Variants in BMP4 observed in about 807,000 individuals in gnomAD.
BMP4 encodes the protein bone morphogenetic protein 2B.
Under a neutral mutation model 29.6 loss-of-function variants are expected in BMP4, and 3 were observed. The ratio of observed to expected loss-of-function variants is 0.10; its 90% CI spans 0.05 to 0.26. The LOEUF (loss-of-function observed/expected upper bound fraction) is 0.26, where lower values mean the gene tolerates loss of function less well. Ranked by LOEUF, BMP4 falls within the 10% of genes least tolerant of loss-of-function variation. BMP4 has a pLI of 1.00. For synonymous variants in BMP4, 197 were observed against 213.2 expected, an observed-to-expected ratio of 0.92 and a Z score of 0.66; for missense variants, 455 against 550.2, an observed-to-expected ratio of 0.83 and a Z score of 1.73.
At position 53,951,934 on chromosome 14, in the gene BMP4, C is replaced by T. The variant is rs1895443606; in HGVS notation, c.289G>A (p.Glu97Lys). Residue 97 changes from glutamate (E) to lysine (K), a missense_variant, in exon 3 of 4, where the codon GAG becomes AAG. Around this residue, in one of 4 missense-constraint regions of BMP4, gnomAD observed 249 missense variants for 284.6 expected, o/e 0.87. Coordinates refer to ENST00000245451, the MANE Select transcript of BMP4 (RefSeq NM_001202.6). ...TCAAGACCAGTGCTGTGGATCTGCT[C>T]TTCCTCCTCCTCCCCAGACTGAAGC... Reference protein sequence around the residue: ...YRLQSGEEEEEQIHSTGLEYP... With the variant: ...YRLQSGEEEEKQIHSTGLEYP... 6.2e-7 allele frequency: 1 copy of T among 1,607,128 alleles called. No individual in the cohort carries two copies. Among genetic ancestry groups the T allele is most frequent in the Non-Finnish European group, 8.5e-7 (1 of 1,179,990 alleles).
rs538802825 is a variant in BMP4, at chr14:53,950,405, G to A, written c.854C>T (p.Thr285Ile). The A allele has an allele frequency of 6.2e-7, 1 of 1,613,798 alleles. No individual in the cohort carries two copies. Among genetic ancestry groups the A allele is most frequent in the Non-Finnish European group, 8.5e-7 (1 of 1,179,886 alleles). ...GCTACGCTTGGCCCTCCGGCGTCGG[G>A]TCAAGGCATGGCCCCGGCCATCATG... ...FGHDGRGHAL[T>I]RRRRAKRSPK... The change falls in exon 4 of 4, where the codon ACC becomes ATC. Residue 285 changes from threonine to isoleucine, a missense_variant. By Grantham distance (89) the Thr-to-Ile change is moderately conservative. Coordinates refer to ENST00000245451, the MANE Select transcript of BMP4 (RefSeq NM_001202.6). This position sits in a 1 kb window ranked among gnomAD's most constrained non-coding sequence, Gnocchi z 5.4.
chr14:53,950,127 G>T lies in BMP4; in HGVS notation c.1132C>A (p.Leu378Met), dbSNP rs1166736941. Residue 378 changes from leucine to methionine, a missense_variant, in exon 4 of 4, where the codon CTG (leucine) becomes ATG (methionine). Transcript: ENST00000245451. The surrounding 1 kb of genome is among the most constrained non-coding windows in gnomAD (Gnocchi z 5.4). ...IPKACCVPTE[L>M]SAISMLYLDE... ...AGGTACAGCATGGAGATGGCACTCAGTTCAGTGGGCACACAACAGGCTTTG... is the reference window on the plus strand; with the variant it reads ...AGGTACAGCATGGAGATGGCACTCATTTCAGTGGGCACACAACAGGCTTTG... 6.2e-7 allele frequency: 1 copy of T among 1,614,174 alleles called. No homozygotes were observed. The highest frequency in any genetic ancestry group is 8.5e-7 in the Non-Finnish European group (1 of 1,180,038).
At chr14:53,953,953 A>C (rs1895596726) in intron 1 of BMP4, among the ~76,000 whole-genome samples, 1 of 151,142 alleles carries the variant, frequency 6.6e-6, no homozygotes, top group Admixed American at 6.6e-5. Flanking sequence ...ACACAAGCAA[A>C]CACGAGCTCC....
chr14:53,949,950 G>A lies in BMP4; in HGVS notation c.*82C>T. The stretch of plus-strand genomic sequence containing the variant: ...AGCAGTCTGTGTAGTGTGTGGGTGA[G>A]TGGATGGGAACGTGTGTGTGTGGTG... On this transcript the variant is annotated 3_prime_UTR_variant, in exon 4 of 4. Transcript: ENST00000245451. 2 of 1,471,604 alleles carry A rather than the reference G, an allele frequency of 1.4e-6. No individual in the cohort carries two copies. Among genetic ancestry groups the A allele is most frequent in the Non-Finnish European group, 9.4e-7 (1 of 1,067,672 alleles). The allele number at this position is 1,471,604 out of a possible 1,614,324, so 91.2% of individuals were successfully genotyped here.
chr14:53,952,624 G>C (rs1417674677), intron 2 of BMP4, among the ~76,000 whole-genome samples: 1 of 152,056 alleles, frequency 6.6e-6, no homozygotes, highest in Non-Finnish European at 1.5e-5. Context: ...AAATGGCATT[G>C]CTCTCCACTT....
At chr14:53,951,013 T>A in intron 3 of BMP4, 125 bp from the exon 4 acceptor site, 1 of 1,340,054 alleles carries the variant, frequency 7.5e-7, no homozygotes, top group Non-Finnish European at 1.0e-6. Flanking sequence ...AGGGGAAACC[T>A]ACTGGGGGAA....
rs1252781950 is a variant in BMP4, at chr14:53,950,468, T to C, written c.791A>G (p.Asn264Ser). The change falls in exon 4 of 4, where the codon AAT (asparagine) becomes AGT (serine). Residue 264 changes from asparagine to serine, a missense_variant. Transcript: ENST00000245451. The surrounding 1 kb of genome is among the most constrained non-coding windows in gnomAD (Gnocchi z 5.4). ...CAGGAGGGGCCGGAGCTGGGCCCAA[T>C]TCCCACTCCCTTGAGGTAACGATCG... ...ISRSLPQGSGNWAQLRPLLVT... is the reference protein window; with the variant it reads ...ISRSLPQGSGSWAQLRPLLVT... 4.3e-6 allele frequency: 7 copies of C among 1,613,928 alleles called. No homozygotes were observed. The Admixed American group carries it at 1.0e-4, about 23-fold the overall frequency.
rs1468153497 is a variant in BMP4 at position 53,951,863 on chromosome 14, G to A, written c.360C>T (p.Phe120=). The A allele has an allele frequency of 6.3e-7, 1 of 1,599,580 alleles. No homozygotes were observed. Among genetic ancestry groups the A allele is most frequent in the Non-Finnish European group, 8.5e-7 (1 of 1,179,936 alleles). ...PASRANTVRS[F]HHEEHLENIP... Reference sequence around the variant, plus strand: ...GGGGAAGAGACTGACCTTCGTGGTGGAAGCTCCTCACGGTGTTGGCCCGGC... The same window carrying A: ...GGGGAAGAGACTGACCTTCGTGGTGAAAGCTCCTCACGGTGTTGGCCCGGC... Residue 120 remains phenylalanine (F), a synonymous_variant, in exon 3 of 4, where the codon TTC becomes TTT. Coordinates refer to ENST00000245451, the MANE Select transcript of BMP4 (RefSeq NM_001202.6).
At chr14:53,956,109 A>G (rs1895707897) in intron 1 of BMP4, 1 of 154,892 alleles carries the variant, frequency 6.5e-6, no homozygotes, top group African/African-American at 2.4e-5. Context: ...AACCTGCTCC[A>G]GCTAGGTGTT....
chr14:53,950,586 T>C lies in BMP4; in HGVS notation c.673A>G (p.Thr225Ala), dbSNP rs144556455. 158 of 1,614,048 alleles carry C rather than the reference T, an allele frequency of 9.8e-5. No individual in the cohort carries two copies. Among genetic ancestry groups the C allele is most frequent in the Middle Eastern group, 3.3e-4 (2 of 6,084 alleles). Residue 225 changes from threonine (T) to alanine (A), a missense_variant, in exon 4 of 4, where the codon ACC (threonine) becomes GCC (alanine). Around this residue, in one of 4 missense-constraint regions of BMP4, gnomAD observed 154 missense variants for 156.8 expected, o/e 0.98. Transcript: ENST00000245451. This position sits in a 1 kb window ranked among gnomAD's most constrained non-coding sequence, Gnocchi z 5.4. ...FDVSPAVLRW[T>A]REKQPNYGLA... ...CCATAGTTTGGCTGCTTCTCCCGGG[T>C]CCAGCGAAGGACCGCAGGGCTCACA...
rs767969165 is a variant in BMP4, at chr14:53,950,429, T to A, written c.830A>T (p.His277Leu). ...QLRPLLVTFG[H>L]DGRGHALTRR... ...GGTCAAGGCATGGCCCCGGCCATCATGGCCAAAGGTGACCAGGAGGGGCCG... is the reference window on the plus strand; with the variant it reads ...GGTCAAGGCATGGCCCCGGCCATCAAGGCCAAAGGTGACCAGGAGGGGCCG... Residue 277 changes from histidine (H) to leucine (L), a missense_variant, in exon 4 of 4, where the codon CAT (histidine) becomes CTT (leucine). Coordinates refer to ENST00000245451, the MANE Select transcript of BMP4 (RefSeq NM_001202.6). This position sits in a 1 kb window ranked among gnomAD's most constrained non-coding sequence, Gnocchi z 5.4. 6.2e-7 allele frequency: 1 copy of A among 1,613,950 alleles called. No individual in the cohort carries two copies. Among genetic ancestry groups the A allele is most frequent in the African/African-American group, 1.3e-5 (1 of 75,070 alleles).
At position 53,951,991 on chromosome 14, in the gene BMP4, C is replaced by T. The variant is rs2140237899; in HGVS notation, c.232G>A (p.Val78Ile). 1 of 1,613,596 alleles carries T rather than the reference C, an allele frequency of 6.2e-7. No individual in the cohort carries two copies. Among genetic ancestry groups the T allele is most frequent in the Non-Finnish European group, 8.5e-7 (1 of 1,180,046 alleles). The change falls in exon 3 of 4, where the codon GTC becomes ATC. Residue 78 changes from valine to isoleucine, a missense_variant. By Grantham distance (29) the Val-to-Ile change is conservative (BLOSUM62 3). Around this residue, in one of 4 missense-constraint regions of BMP4, gnomAD observed 249 missense variants for 284.6 expected, o/e 0.87. Transcript: ENST00000245451. Reference protein sequence around the residue: ...RRRPQPSKSAVIPDYMRDLYR... With the variant: ...RRRPQPSKSAIIPDYMRDLYR... ...AGATCCCGCATGTAGTCCGGAATGA[C>T]GGCACTCTTGCTAGGCTGCGGGCGG...
Position 53,950,961 on chromosome 14 carries a change from A to G in BMP4, c.371-73T>C, listed in dbSNP as rs951810496. The G allele has an allele frequency of 1.3e-6, 2 of 1,583,074 alleles. No homozygotes were observed. Among genetic ancestry groups the G allele is most frequent in the Non-Finnish European group, 1.7e-6 (2 of 1,167,212 alleles). On this transcript the variant is annotated intron_variant, in intron 3 of 3. Transcript: ENST00000245451. This position sits in a 1 kb window ranked among gnomAD's most constrained non-coding sequence, Gnocchi z 5.4. ...TTTTCAAAGATGGAAGAGTCAAGAG[A>G]TAGCTCAGGGTTGGGCAATGAATGG... is the stretch of plus-strand genomic sequence containing the variant.
chr14:53,953,518 T>G lies in BMP4; in HGVS notation c.-132-118A>C, dbSNP rs1330519221. 4.3e-5 allele frequency: 17 copies of G among 391,166 alleles called. No individual in the cohort carries two copies. The Admixed American group carries it at 7.6e-4, about 17-fold the overall frequency. 24.2% of individuals were successfully genotyped at this position (391,166 alleles called of 1,614,324 possible). On this transcript the variant is annotated intron_variant, in intron 1 of 3. Transcript: ENST00000245451. Reference sequence around the variant, plus strand: ...TCCCGCGGCAGGCGGCGAAAGGGCTTGCGCGCCCTCCCCTCCTCCACAGCC... The same window carrying G: ...TCCCGCGGCAGGCGGCGAAAGGGCTGGCGCGCCCTCCCCTCCTCCACAGCC...
intron 1 of BMP4, chr14:53,956,036 G>C (rs1895704436): frequency 6.6e-6 from 1 of 152,474 alleles, no homozygotes; most frequent in African/African-American, 2.4e-5. Flanking sequence ...CACTCCCCTC[G>C]ACGCAGCCTC....
rs1309351032 is a variant in BMP4, at chr14:53,955,784, C to A, written c.-133+766G>T. The A allele has an allele frequency of 1.3e-5, 2 of 152,156 alleles. No individual in the cohort carries two copies. Among genetic ancestry groups the A allele is most frequent in the African/African-American group, 4.8e-5 (2 of 41,430 alleles). 9.4% of individuals were successfully genotyped at this position (152,156 alleles called of 1,614,324 possible). On this transcript the variant is annotated intron_variant, in intron 1 of 3. Transcript: ENST00000245451. The surrounding 1 kb of genome is among the most constrained non-coding windows in gnomAD (Gnocchi z 4.0). ...CCGGGCCTGGAGGGCCAGGAAGAGC[C>A]GCGCGTCCGCCTTTCGTCCCGCCAG...
Position 53,951,850 on chromosome 14 carries a change from G to T in BMP4, c.370+3C>A. 6.3e-7 allele frequency: 1 copy of T among 1,599,146 alleles called. No individual in the cohort carries two copies. The highest frequency in any genetic ancestry group is 1.1e-5 in the South Asian group (1 of 91,008). ...CCCACGCAGACTGGGGGAAGAGACT[G>T]ACCTTCGTGGTGGAAGCTCCTCACG... is the stretch of plus-strand genomic sequence containing the variant. On this transcript the variant is annotated splice_donor_region_variant and intron_variant, in intron 3 of 3. Coordinates refer to ENST00000245451, the MANE Select transcript of BMP4 (RefSeq NM_001202.6).
Position 53,949,883 on chromosome 14 carries a change from C to CT in BMP4, c.*148dup, listed in dbSNP as rs1555339771. 6,148 of 643,492 alleles carry CT rather than the reference C, an allele frequency of 9.6e-3. 3 individuals carry two copies. Among genetic ancestry groups the CT allele is most frequent in the East Asian group, 0.017 (572 of 33,282 alleles). 39.9% of individuals were successfully genotyped at this position (643,492 alleles called of 1,614,324 possible). ...AAGGTGAATGTTTAGGGATTTTTTC[C>CT]TTTTTTTTTTTTTTTTTTAAATAAA... On this transcript the variant is annotated 3_prime_UTR_variant, in exon 4 of 4. Coordinates refer to ENST00000245451, the MANE Select transcript of BMP4 (RefSeq NM_001202.6).
Position 53,952,193 on chromosome 14 carries a change from G to C in BMP4, c.30C>G (p.Val10=), listed in dbSNP as rs1352095577. The part of the protein sequence containing the change: MIPGNRMLM[V]VLLCQVLLGG... ...CTAGCAGGACTTGGCATAATAAAAC[G>C]ACCATCAGCATTCGGTTACCAGGAA... The change falls in exon 3 of 4, where the codon GTC becomes GTG. Residue 10 remains valine (V), a synonymous_variant. Coordinates refer to ENST00000245451, the MANE Select transcript of BMP4 (RefSeq NM_001202.6). 46 of 1,613,916 alleles carry C rather than the reference G, an allele frequency of 2.9e-5. No homozygotes were observed. The highest frequency in any genetic ancestry group is 3.4e-5 in the Non-Finnish European group (40 of 1,179,998).
Sources: gnomAD v4.1 joint callset for allele counts (sites outside exome capture counted in the v4.1 genomes callset) on GRCh38, gnomAD v4.1.1 for gene constraint, gnomAD v4.1.1 regional missense constraint, Gnocchi (gnomAD v3.1) non-coding constraint, MANE v1.5 for transcripts, NCBI Gene and HGNC (gene_info 2026-07-23, HGNC 2026-07-21) for gene names.